Variants in BLTP1 observed in about 807,000 individuals in gnomAD.
BLTP1 encodes the protein fragile site-associated protein.
the BLTP1 span, chr4:122,197,382 T>G: frequency 9.9e-7 from 1 of 1,008,650 alleles, no homozygotes; most frequent in Non-Finnish European, 1.3e-6. Context: ...TCTTTTTCAG[T>G]TTTTTAATTA....
chr4:122,161,844 A>T, the BLTP1 span, among the ~76,000 whole-genome samples: 2 of 152,196 alleles, frequency 1.3e-5, no homozygotes, highest in Non-Finnish European at 2.9e-5. Flanking sequence ...TTTTATAATG[A>T]TGCATTTATT....
At chr4:122,328,095 T>C in the BLTP1 span, 1 of 1,514,592 alleles carries the variant, frequency 6.6e-7, no homozygotes, top group Non-Finnish European at 8.9e-7. Context: ...TTTTTCTTTT[T>C]ACAATCAGTT....
the BLTP1 span, chr4:122,292,689 G>T: frequency 3.1e-6 from 2 of 654,812 alleles, no homozygotes; most frequent in Non-Finnish European, 3.8e-6. Flanking sequence ...TTAAGAAAAT[G>T]GAAATTGATG....
At chr4:122,261,284 T>A in the BLTP1 span, 1 of 985,112 alleles carries the variant, frequency 1.0e-6, no homozygotes, top group Non-Finnish European at 1.2e-6. Flanking sequence ...ATGGACAGTT[T>A]TTTCAACCTT....
the BLTP1 span, chr4:122,315,686 A>T: frequency 6.2e-7 from 1 of 1,613,872 alleles, no homozygotes; most frequent in East Asian, 2.2e-5. Context: ...CACTATCCAT[A>T]CTGTAAGTAA....
At chr4:122,361,715 C>G in the BLTP1 span, among the ~76,000 whole-genome samples, 1 of 152,196 alleles carries the variant, frequency 6.6e-6, no homozygotes, top group African/African-American at 2.4e-5. Context: ...CTTATGAAAT[C>G]TACTAAAATT....
the BLTP1 span, chr4:122,257,122 C>G: frequency 2.2e-6 from 2 of 927,894 alleles, no homozygotes; most frequent in African/African-American, 3.4e-5. Flanking sequence ...GAACAAATTA[C>G]TTAACATCTA....
chr4:122,318,099 T>C, the BLTP1 span: 3 of 1,563,792 alleles, frequency 1.9e-6, no homozygotes, highest in Non-Finnish European at 2.6e-6. Flanking sequence ...AAATCAGTCT[T>C]ACTTTGTTAT....
chr4:122,220,263 T>C, the BLTP1 span: 6 of 1,530,894 alleles, frequency 3.9e-6, no homozygotes, highest in African/African-American at 8.4e-5. Context: ...AGATGTAATT[T>C]TTATTTTCCT....
At chr4:122,204,555 GT>G in the BLTP1 span, 9 of 978,930 alleles carry the variant, frequency 9.2e-6, no homozygotes, top group Non-Finnish European at 1.1e-5. Flanking sequence ...ACTGCAGACT[GT>G]TTGCCTTCTC....
At chr4:122,178,048 CAG>C in the BLTP1 span, 4 of 830,398 alleles carry the variant, frequency 4.8e-6, no homozygotes, top group Admixed American at 6.2e-5. Flanking sequence ...AAAAGAGTAA[CAG>C]AGTATCTTTC....
chr4:122,260,990 A>G, the BLTP1 span, among the ~76,000 whole-genome samples: 6 of 152,156 alleles, frequency 3.9e-5, no homozygotes, highest in African/African-American at 1.4e-4. Flanking sequence ...ATAAATATGT[A>G]TGTACTTATA....
chr4:122,263,220 G>A, the BLTP1 span: 2 of 985,080 alleles, frequency 2.0e-6, no homozygotes, highest in Non-Finnish European at 2.4e-6. Flanking sequence ...CATTTGGTGT[G>A]GGGTACTGTC....
the BLTP1 span, among the ~76,000 whole-genome samples, chr4:122,312,368 T>G: frequency 1.3e-5 from 2 of 152,146 alleles, no homozygotes; most frequent in Non-Finnish European, 2.9e-5. Flanking sequence ...TCTCTACTAC[T>G]CCTTGGGATA....
chr4:122,207,298 T>G, the BLTP1 span: 12 of 1,560,618 alleles, frequency 7.7e-6, no homozygotes, highest in Admixed American at 2.1e-4. Flanking sequence ...GTTAAATATT[T>G]CTCTCATTAA....
chr4:122,296,125 G>A, the BLTP1 span, among the ~76,000 whole-genome samples: 1 of 152,160 alleles, frequency 6.6e-6, no homozygotes, highest in Non-Finnish European at 1.5e-5. Flanking sequence ...CAAATAGGAA[G>A]AGAAGTCAAA....
chr4:122,180,571 A>G, the BLTP1 span, among the ~76,000 whole-genome samples: 4 of 152,240 alleles, frequency 2.6e-5, no homozygotes, highest in Non-Finnish European at 5.9e-5. Flanking sequence ...GAACCCAGAT[A>G]CTAAACTCTT....
At chr4:122,171,028 T>A in the BLTP1 span, among the ~76,000 whole-genome samples, 1 of 152,162 alleles carries the variant, frequency 6.6e-6, no homozygotes. Flanking sequence ...CCTCCCCAAC[T>A]TCTCGACTCA....
chr4:122,255,211 A>G, the BLTP1 span: 2 of 1,613,138 alleles, frequency 1.2e-6, no homozygotes, highest in Non-Finnish European at 1.7e-6. Context: ...AAAATCCTTC[A>G]TGTTTACTAT....
Sources: allele counts gnomAD v4.1 joint callset (sites outside exome capture counted in the v4.1 genomes callset), GRCh38; gene constraint gnomAD v4.1.1; transcripts MANE v1.5; gene names NCBI Gene and HGNC (gene_info 2026-07-23, HGNC 2026-07-21).